The following RANBP17 variants were observed in gnomAD, a reference collection of about 807,000 sequenced individuals.
The protein encoded by RANBP17 is RAN binding protein 17, also known as ran-binding protein 17.
Under a neutral mutation model 141.2 loss-of-function variants are expected in RANBP17, and 158 were observed. That is an observed-to-expected ratio of 1.12 (90% CI 0.98 to 1.28). The LOEUF (loss-of-function observed/expected upper bound fraction) is 1.28. Ranked by LOEUF, RANBP17 falls within the 50% of genes most tolerant of loss-of-function variation. The pLI is 0.00. For synonymous variants in RANBP17, 430 were observed against 450.0 expected (o/e 0.96, Z 0.56); for missense variants, 1,438 against 1,290.7 (o/e 1.11, Z -1.75).
intron 22 of RANBP17, among the ~76,000 whole-genome samples, chr5:171,231,223 A>T (rs1764192061): frequency 6.6e-6 from 1 of 151,220 alleles, no homozygotes. Flanking sequence ...TCCTTGGATC[A>T]CAGGCTTGAG....
intron 14 of RANBP17, among the ~76,000 whole-genome samples, chr5:171,164,057 T>C (rs571694585): frequency 6.6e-6 from 1 of 152,278 alleles, no homozygotes; most frequent in East Asian, 1.9e-4. Flanking sequence ...TTTTCTCTTA[T>C]TTTCTTATTT....
chr5:171,076,359 G>A (rs764166704), intron 14 of RANBP17, among the ~76,000 whole-genome samples: 1 of 152,184 alleles, frequency 6.6e-6, no homozygotes, highest in Non-Finnish European at 1.5e-5. Context: ...ATCCTGAAGC[G>A]CTAAATTTCT....
At chr5:171,001,323 A>G (rs1779187428) in intron 14 of RANBP17, among the ~76,000 whole-genome samples, 1 of 152,218 alleles carries the variant, frequency 6.6e-6, no homozygotes, top group Non-Finnish European at 1.5e-5. Context: ...TAAATGAAAG[A>G]CACAAGGTCC....
intron 22 of RANBP17, among the ~76,000 whole-genome samples, chr5:171,229,485 C>T (rs988596525): frequency 2.0e-5 from 3 of 151,968 alleles, no homozygotes; most frequent in African/African-American, 7.2e-5. Flanking sequence ...ACCTCTGCCT[C>T]CTGGGTTCAA....
chr5:170,973,173 T>C (rs922784068), intron 14 of RANBP17, among the ~76,000 whole-genome samples: 7 of 152,094 alleles, frequency 4.6e-5, no homozygotes, highest in Admixed American at 4.6e-4. Flanking sequence ...AAAGGGAACA[T>C]GGACAAGTAA....
At chr5:171,126,640 A>G (rs1055229685) in intron 14 of RANBP17, among the ~76,000 whole-genome samples, 11 of 152,200 alleles carry the variant, frequency 7.2e-5, no homozygotes, top group Admixed American at 5.9e-4. Context: ...AAGAGGAGAC[A>G]TTACACTGAT....
At chr5:171,005,776 G>A (rs1299619146) in intron 14 of RANBP17, among the ~76,000 whole-genome samples, 1 of 152,256 alleles carries the variant, frequency 6.6e-6, no homozygotes, top group East Asian at 1.9e-4. Context: ...CTTCTGCACA[G>A]CAAAAGAAAC....
At chr5:171,273,382 T>G (rs1339807266) in intron 25 of RANBP17, among the ~76,000 whole-genome samples, 1 of 152,190 alleles carries the variant, frequency 6.6e-6, no homozygotes, top group Non-Finnish European at 1.5e-5. Context: ...CCATTATAAC[T>G]ATACCAGGTG....
chr5:170,899,413 T>G (rs896169555), intron 5 of RANBP17, among the ~76,000 whole-genome samples: 3 of 152,196 alleles, frequency 2.0e-5, no homozygotes, highest in African/African-American at 7.2e-5. Context: ...TTAAGGAGAT[T>G]TGGGGCTGAG....
chr5:170,952,966 G>A (rs1775322506), intron 12 of RANBP17, among the ~76,000 whole-genome samples: 1 of 152,008 alleles, frequency 6.6e-6, no homozygotes, highest in South Asian at 2.1e-4. Context: ...TGCCATTTGT[G>A]CCACTGCCTT....
At chr5:171,122,439 G>T (rs1393808854) in intron 14 of RANBP17, among the ~76,000 whole-genome samples, 1 of 152,150 alleles carries the variant, frequency 6.6e-6, no homozygotes, top group Non-Finnish European at 1.5e-5. Context: ...ACAAATAAGA[G>T]ACCAAAATAG....
intron 24 of RANBP17, among the ~76,000 whole-genome samples, chr5:171,263,751 G>C (rs1766490114): frequency 6.6e-6 from 1 of 152,112 alleles, no homozygotes; most frequent in African/African-American, 2.4e-5. Flanking sequence ...CATGTTTTGA[G>C]TGCCCATTGT....
chr5:171,061,554 C>T, intron 14 of RANBP17, among the ~76,000 whole-genome samples: 1 of 152,066 alleles, frequency 6.6e-6, no homozygotes. Context: ...TGATCTTTTA[C>T]ATTTGCTGAG....
intron 14 of RANBP17, among the ~76,000 whole-genome samples, chr5:171,082,520 C>G (rs1284643829): frequency 6.6e-6 from 1 of 152,088 alleles, no homozygotes; most frequent in Non-Finnish European, 1.5e-5. Context: ...CTCATCTACC[C>G]TTTGCTCAAC....
At chr5:171,074,476 T>C (rs905996007) in intron 14 of RANBP17, among the ~76,000 whole-genome samples, 1 of 152,236 alleles carries the variant, frequency 6.6e-6, no homozygotes, top group African/African-American at 2.4e-5. Flanking sequence ...CAGTTAATAA[T>C]ATTATTGTAC....
chr5:170,919,342 AAAG>A, intron 10 of RANBP17, 96 bp from the exon 11 acceptor site: 1 of 878,128 alleles, frequency 1.1e-6, no homozygotes, highest in Non-Finnish European at 1.6e-6. Flanking sequence ...AGTAAGAATA[AAAG>A]TTAATTTAAA....
intron 14 of RANBP17, among the ~76,000 whole-genome samples, chr5:171,099,884 T>G (rs534983793): frequency 6.6e-6 from 1 of 152,358 alleles, no homozygotes; most frequent in East Asian, 1.9e-4. Flanking sequence ...TCATTGGTTC[T>G]GTTTATGTGA....
At chr5:170,909,610 G>C (rs1833596) in intron 5 of RANBP17, 51 bp from the exon 6 acceptor site, 328,400 of 496,260 alleles carry the variant, frequency 0.66, 109,910 homozygotes, top group South Asian at 0.88. Flanking sequence ...GTAAATTTTG[G>C]TTTGCTTTTT....
intron 22 of RANBP17, among the ~76,000 whole-genome samples, chr5:171,229,759 GA>G (rs758827854): frequency 0.027 from 2,401 of 88,294 alleles, 45 homozygotes; most frequent in South Asian, 0.082. Flanking sequence ...GATGCAAAAG[GA>G]AAAAAAAAAA....
Sources: allele counts gnomAD v4.1 joint callset (sites outside exome capture counted in the v4.1 genomes callset), GRCh38; gene constraint gnomAD v4.1.1; transcripts MANE v1.5; gene names NCBI Gene and HGNC (gene_info 2026-07-23, HGNC 2026-07-21).